The following NEDD8 variants were observed in gnomAD, a reference collection of about 807,000 sequenced individuals.
NEDD8 encodes the protein ubiquitin-like protein NEDD8.
A neutral mutation model predicts 13.8 loss-of-function variants in NEDD8; 1 was observed. That is an observed-to-expected ratio of 0.07 (90% CI 0.03 to 0.34). NEDD8 has a LOEUF of 0.34. NEDD8 is among the 10% of genes least tolerant of loss of function. NEDD8 has a pLI of 0.99. For synonymous variants in NEDD8, 31 were observed against 33.2 expected, an observed-to-expected ratio of 0.93 and a Z score of 0.23; for missense variants, 10 against 95.2, an observed-to-expected ratio of 0.10 and a Z score of 3.73.
In NEDD8 at chr14:24,217,078, T is replaced by A. The variant is rs1405876568; in HGVS notation, c.*49A>T. ...GTGTCCCAGAGAGTGAGAGGATATATGATGCCTCATTATGAGCGACAGGGT... is the reference window on the plus strand; with the variant it reads ...GTGTCCCAGAGAGTGAGAGGATATAAGATGCCTCATTATGAGCGACAGGGT... On this transcript the variant is annotated 3_prime_UTR_variant, in exon 4 of 4. Coordinates refer to ENST00000250495, the MANE Select transcript of NEDD8 (RefSeq NM_006156.3). 9.6e-6 allele frequency: 14 copies of A among 1,458,852 alleles called. No individual in the cohort carries two copies. Among genetic ancestry groups the A allele is most frequent in the African/African-American group, 2.8e-5 (2 of 71,762 alleles). The allele number at this position is 1,458,852 out of a possible 1,614,324, so 90.4% of individuals were successfully genotyped here.
chr14:24,217,305 T>C, intron 3 of NEDD8, 82 bp from the exon 4 acceptor site: 1 of 1,203,228 alleles, frequency 8.3e-7, no homozygotes, highest in Non-Finnish European at 1.2e-6. Flanking sequence ...GTTGTTGTTG[T>C]TTTTGACAGA....
intron 1 of NEDD8, among the ~76,000 whole-genome samples, chr14:24,222,350 T>C (rs1176008268): frequency 1.3e-5 from 2 of 152,214 alleles, no homozygotes; most frequent in Non-Finnish European, 2.9e-5. Context: ...TAGAGTATAA[T>C]TAAAATTTTG....
chr14:24,217,607 G>A (rs1338411515), intron 3 of NEDD8: 1 of 183,360 alleles, frequency 5.5e-6, no homozygotes, highest in African/African-American at 2.4e-5. Context: ...GAGTTCTTGA[G>A]TTTCCTGGAT....
At chr14:24,232,127 C>G in intron 1 of NEDD8, 123 bp downstream of exon 1, 29 of 1,511,600 alleles carry the variant, frequency 1.9e-5, no homozygotes, top group Non-Finnish European at 2.5e-5. Context: ...TCGCGCGGAG[C>G]CCTGAGGCAG....
intron 3 of NEDD8, chr14:24,217,606 A>G (rs1265831460): frequency 5.4e-6 from 1 of 183,932 alleles, no homozygotes; most frequent in Non-Finnish European, 1.2e-5. Flanking sequence ...GGAGTTCTTG[A>G]GTTTCCTGGA....
chr14:24,230,218 C>CA (rs560583502), intron 1 of NEDD8, among the ~76,000 whole-genome samples: 5,670 of 73,504 alleles, frequency 0.077, 1,038 homozygotes, highest in African/African-American at 0.12. Flanking sequence ...GACTCTGTCT[C>CA]AAAAAAAAAA....
intron 1 of NEDD8, among the ~76,000 whole-genome samples, chr14:24,229,153 C>T (rs187444305): frequency 7.9e-5 from 12 of 152,316 alleles, no homozygotes; most frequent in Admixed American, 3.3e-4. Context: ...TTAGCAAGAC[C>T]ACAGGTGATA....
intron 1 of NEDD8, among the ~76,000 whole-genome samples, chr14:24,223,299 A>G (rs2039837518): frequency 6.6e-6 from 1 of 151,666 alleles, no homozygotes. Flanking sequence ...GGGTACTCAG[A>G]AGGCTGAGGC....
rs184998339 is a variant in NEDD8 at position 24,223,921 on chromosome 14, T to G, written c.19-5490A>C. 1.7e-3 allele frequency among the ~76,000 whole-genome samples: 264 copies of G among 151,404 alleles called. 1 individual carries two copies. Among genetic ancestry groups the G allele is most frequent in the East Asian group, 3.9e-4 (2 of 5,134 alleles). ...GGCTAATTTTTGTATTTTGTATTTT[T>G]TATTATTTTTATTTTTATTTTTTTG... On this transcript the variant is annotated intron_variant, in intron 1 of 3. Transcript: ENST00000250495.
chr14:24,225,165 C>A (rs1326486679), intron 1 of NEDD8, among the ~76,000 whole-genome samples: 1 of 99,146 alleles, frequency 1.0e-5, no homozygotes. Flanking sequence ...GAGCAAGACT[C>A]TGTCTCAAAA....
chr14:24,223,235 C>T (rs924803623), intron 1 of NEDD8, among the ~76,000 whole-genome samples: 3 of 151,794 alleles, frequency 2.0e-5, no homozygotes, highest in Admixed American at 1.3e-4. Flanking sequence ...AGATCCCCAT[C>T]TCTACAATAA....
At chr14:24,225,289 G>A (rs1346243461) in intron 1 of NEDD8, among the ~76,000 whole-genome samples, 1 of 151,620 alleles carries the variant, frequency 6.6e-6, no homozygotes, top group Non-Finnish European at 1.5e-5. Context: ...CGGATTTAAA[G>A]AAATTGAAAA....
chr14:24,232,330 G>T lies in NEDD8; in HGVS notation c.-63C>A. ...TGCTCCTACCGCTCCGGTCGCCGCT[G>T]CCGCCCTCCAGCACTCTTGCCTGCA... On this transcript the variant is annotated 5_prime_UTR_variant, in exon 1 of 4. Coordinates refer to ENST00000250495, the MANE Select transcript of NEDD8 (RefSeq NM_006156.3). The T allele has an allele frequency of 6.3e-7, 1 of 1,586,940 alleles. No homozygotes were observed. The highest frequency in any genetic ancestry group is 1.4e-5 in the African/African-American group (1 of 71,126).
chr14:24,222,147 TACA>T (rs1442593408), intron 1 of NEDD8, among the ~76,000 whole-genome samples: 1 of 152,152 alleles, frequency 6.6e-6, no homozygotes, highest in Non-Finnish European at 1.5e-5. Flanking sequence ...AAAGTATACC[TACA>T]ACAATGGTTA....
At position 24,217,010 on chromosome 14, in the gene NEDD8, G is replaced by C. The variant is rs1357389381; in HGVS notation, c.*117C>G. ...GGATCCTCACAGTCTCCCACCAGTA[G>C]ACATACATTACTGGGCATCCAGGGG... is the stretch of plus-strand genomic sequence containing the variant. On this transcript the variant is annotated 3_prime_UTR_variant, in exon 4 of 4. Transcript: ENST00000250495. The C allele has an allele frequency of 1.3e-6, 1 of 794,556 alleles. No homozygotes were observed. Among genetic ancestry groups the C allele is most frequent in the Non-Finnish European group, 2.0e-6 (1 of 491,736 alleles). The allele number at this position is 794,556 out of a possible 1,614,324, so 49.2% of individuals were successfully genotyped here.
At chr14:24,226,261 G>A (rs2039888833) in intron 1 of NEDD8, among the ~76,000 whole-genome samples, 1 of 152,004 alleles carries the variant, frequency 6.6e-6, no homozygotes, top group Non-Finnish European at 1.5e-5. Context: ...GGAGGCTGAG[G>A]CAGGTGGATC....
At chr14:24,222,502 C>A (rs2039824344) in intron 1 of NEDD8, among the ~76,000 whole-genome samples, 1 of 151,992 alleles carries the variant, frequency 6.6e-6, no homozygotes, top group South Asian at 2.1e-4. Flanking sequence ...ATTTTTTATA[C>A]CACAAATGTG....
At chr14:24,229,284 A>C (rs914722458) in intron 1 of NEDD8, among the ~76,000 whole-genome samples, 1 of 152,214 alleles carries the variant, frequency 6.6e-6, no homozygotes, top group Non-Finnish European at 1.5e-5. Context: ...CAATGGCACG[A>C]TCTTGGCTCA....
At chr14:24,223,024 T>C (rs559297264) in intron 1 of NEDD8, among the ~76,000 whole-genome samples, 1 of 140,150 alleles carries the variant, frequency 7.1e-6, no homozygotes, top group African/African-American at 2.7e-5. Context: ...AGGCGGAGGT[T>C]ACGGTGAGCT....
Sources: allele counts gnomAD v4.1 joint callset (sites outside exome capture counted in the v4.1 genomes callset), GRCh38; gene constraint gnomAD v4.1.1; transcripts MANE v1.5; gene names NCBI Gene and HGNC (gene_info 2026-07-23, HGNC 2026-07-21).